PTPN2: variants seen among roughly 807,000 people sequenced by gnomAD.
PTPN2 encodes protein tyrosine phosphatase non-receptor type 2, also known as tyrosine-protein phosphatase non-receptor type 2.
In PTPN2, 19 loss-of-function variants were observed where a neutral mutation model predicts 57.3. The observed-to-expected ratio is 0.33, with a 90% CI of 0.23 to 0.49. PTPN2 has a LOEUF of 0.49. Ranked by LOEUF, PTPN2 falls within the 20% of genes least tolerant of loss-of-function variation. The probability of loss-of-function intolerance (pLI) is 0.99; values close to 1 mark genes in which losing one functional copy is unlikely to be tolerated. For synonymous variants in PTPN2, 153 were observed against 164.9 expected (o/e 0.93, Z 0.55); for missense variants, 358 against 501.1 (o/e 0.71, Z 2.73).
intron 2 of PTPN2, among the ~76,000 whole-genome samples, chr18:12,844,803 T>C (rs371600884): frequency 5.9e-5 from 9 of 152,344 alleles, no homozygotes; most frequent in Admixed American, 1.3e-4. Context: ...CTAGGTGTCA[T>C]AGCTAAGAAC....
chr18:12,869,246 A>C (rs2044102135), intron 1 of PTPN2: 1 of 152,288 alleles, frequency 6.6e-6, no homozygotes, highest in Non-Finnish European at 1.5e-5. Flanking sequence ...GTGTGATCAC[A>C]GCTCACTGCA....
intron 6 of PTPN2, among the ~76,000 whole-genome samples, chr18:12,816,892 C>G: frequency 6.6e-6 from 1 of 151,912 alleles, no homozygotes; most frequent in East Asian, 1.9e-4. Flanking sequence ...GGGGAGAGAC[C>G]TATTATTTCT....
chr18:12,799,011 C>T (rs553654829), intron 8 of PTPN2, among the ~76,000 whole-genome samples: 4 of 152,218 alleles, frequency 2.6e-5, no homozygotes, highest in Non-Finnish European at 5.9e-5. Context: ...ATAAACTTCA[C>T]GACTATGTGA....
chr18:12,833,069 G>A (rs1039264735), intron 3 of PTPN2, among the ~76,000 whole-genome samples: 3 of 152,208 alleles, frequency 2.0e-5, no homozygotes, highest in Admixed American at 1.3e-4. Flanking sequence ...GATTACAGGC[G>A]TTGAGCCACT....
chr18:12,842,806 A>T lies in PTPN2; in HGVS notation c.161-5915T>A, dbSNP rs550482338. 4.6e-5 allele frequency among the ~76,000 whole-genome samples: 7 copies of T among 152,244 alleles called. No homozygotes were observed. The East Asian group carries it at 1.3e-3, about 29-fold the overall frequency. Reference sequence around the variant, plus strand: ...CAGCGGGCCTACCTAGTAGAGTGTCATAACAATTTAAGTCAGCAAGTATTC... The same window carrying T: ...CAGCGGGCCTACCTAGTAGAGTGTCTTAACAATTTAAGTCAGCAAGTATTC... On this transcript the variant is annotated intron_variant, in intron 2 of 8. Transcript: ENST00000309660.
intron 7 of PTPN2, among the ~76,000 whole-genome samples, chr18:12,804,303 A>AG (rs1390894331): frequency 3.3e-5 from 5 of 150,626 alleles, no homozygotes; most frequent in East Asian, 1.9e-4. Flanking sequence ...AAAAAAAAAA[A>AG]AAAAAAGAAA....
chr18:12,788,085 TAACTA>T (rs1223343262), downstream of PTPN2: 3 of 154,820 alleles, frequency 1.9e-5, no homozygotes, highest in Admixed American at 6.5e-5. Context: ...GCTCCTGAAT[TAACTA>T]AACTCAAAAT....
chr18:12,841,006 A>T, intron 2 of PTPN2: 1 of 1,411,862 alleles, frequency 7.1e-7, no homozygotes, highest in Non-Finnish European at 9.3e-7. Flanking sequence ...AACATATTTT[A>T]ACCTATAGGG....
intron 2 of PTPN2, among the ~76,000 whole-genome samples, chr18:12,858,398 CATG>C (rs1490941592): frequency 6.6e-6 from 1 of 152,160 alleles, no homozygotes; most frequent in Non-Finnish European, 1.5e-5. Flanking sequence ...AAAATCACCG[CATG>C]ATGATGAATA....
At chr18:12,874,487 G>C (rs1329117497) in intron 1 of PTPN2, among the ~76,000 whole-genome samples, 1 of 134,924 alleles carries the variant, frequency 7.4e-6, no homozygotes, top group Non-Finnish European at 1.6e-5. Flanking sequence ...CTACTGGGAA[G>C]TGAGGAGCCC....
chr18:12,876,396 T>A lies in PTPN2; in HGVS notation c.69+7677A>T, dbSNP rs919814280. ...GCAAAGGACCACTTGAGCCAGGAGTTTTGAGTCTGCAGTGACCTACGATCG... is the reference window on the plus strand; with the variant it reads ...GCAAAGGACCACTTGAGCCAGGAGTATTGAGTCTGCAGTGACCTACGATCG... On this transcript the variant is annotated intron_variant, in intron 1 of 8. Coordinates refer to ENST00000309660, the MANE Select transcript of PTPN2 (RefSeq NM_002828.4). Among the ~76,000 whole-genome samples the A allele has an allele frequency of 1.5e-3, 29 of 18,882 alleles. 1 individual carries two copies. In the East Asian group the frequency reaches 0.13, roughly 87 times the overall value. 12.4% of individuals were successfully genotyped at this position (18,882 alleles called of 152,430 possible).
intron 1 of PTPN2, among the ~76,000 whole-genome samples, chr18:12,874,048 C>T (rs1217566462): frequency 6.6e-6 from 1 of 151,592 alleles, no homozygotes; most frequent in African/African-American, 2.4e-5. Context: ...GACCCTCCGC[C>T]CGGCAGCCGC....
chr18:12,852,421 G>A (rs1489253190), intron 2 of PTPN2, among the ~76,000 whole-genome samples: 1 of 152,180 alleles, frequency 6.6e-6, no homozygotes, highest in Non-Finnish European at 1.5e-5. Context: ...TTCAAACAAC[G>A]AAGTTCTTGT....
intron 5 of PTPN2, among the ~76,000 whole-genome samples, chr18:12,817,967 C>G (rs2042135123): frequency 6.6e-6 from 1 of 152,066 alleles, no homozygotes; most frequent in African/African-American, 2.4e-5. Context: ...ATGGTGAAAC[C>G]CCGTTTCTAC....
At chr18:12,874,866 C>G (rs1017951674) in intron 1 of PTPN2, among the ~76,000 whole-genome samples, 6 of 152,172 alleles carry the variant, frequency 3.9e-5, no homozygotes, top group Non-Finnish European at 7.4e-5. Context: ...GAATAGAAAG[C>G]AGGGAAAGGT....
At chr18:12,845,126 A>T (rs2043170155) in intron 2 of PTPN2, among the ~76,000 whole-genome samples, 1 of 152,150 alleles carries the variant, frequency 6.6e-6, no homozygotes, top group African/African-American at 2.4e-5. Context: ...CATTTTAGCC[A>T]TTTTATTTTA....
chr18:12,846,090 T>C lies in PTPN2; in HGVS notation c.161-9199A>G, dbSNP rs112579949. Among the ~76,000 whole-genome samples the C allele has an allele frequency of 5.3e-3, 813 of 152,316 alleles. 6 individuals are homozygous for C. The highest frequency in any genetic ancestry group is 0.019 in the African/African-American group (782 of 41,568). ...CTATTTCCCTATAGATGAGTTCAGT[T>C]TGTATATTTTTGGCATGTTCATCTC... On this transcript the variant is annotated intron_variant, in intron 2 of 8. Coordinates refer to ENST00000309660, the MANE Select transcript of PTPN2 (RefSeq NM_002828.4).
At chr18:12,870,462 T>TATATAGAGAG (rs1555679714) in intron 1 of PTPN2, among the ~76,000 whole-genome samples, 1 of 17,706 alleles carries the variant, frequency 5.6e-5, no homozygotes, top group Admixed American at 1.2e-3. Flanking sequence ...TATATATATA[T>TATATAGAGAG]AGAGAGAGAG....
At chr18:12,810,802 A>T (rs2041866091) in intron 7 of PTPN2, among the ~76,000 whole-genome samples, 1 of 152,174 alleles carries the variant, frequency 6.6e-6, no homozygotes, top group Admixed American at 6.5e-5. Flanking sequence ...TCTGGACTTC[A>T]TGAGTAGTGG....
Sources: allele counts gnomAD v4.1 joint callset (sites outside exome capture counted in the v4.1 genomes callset), GRCh38; gene constraint gnomAD v4.1.1; transcripts MANE v1.5; gene names NCBI Gene and HGNC (gene_info 2026-07-23, HGNC 2026-07-21).